The following IDNK variants were observed in gnomAD, a reference collection of about 807,000 sequenced individuals.
IDNK encodes the protein gluconokinase.
IDNK carries 9 observed loss-of-function variants against 13.0 expected under a neutral mutation model. That is an observed-to-expected ratio of 0.69 (90% CI 0.42 to 1.21). IDNK has a LOEUF of 1.21. Among genes scored for constraint, IDNK ranks in the 50% most tolerant of loss-of-function variants. The probability of loss-of-function intolerance (pLI) is 0.00; values close to 1 mark genes in which losing one functional copy is unlikely to be tolerated. For synonymous variants in IDNK, 92 were observed against 94.9 expected, an observed-to-expected ratio of 0.97 and a Z score of 0.18; for missense variants, 210 against 237.8, an observed-to-expected ratio of 0.88 and a Z score of 0.77.
intron 1 of IDNK, 143 bp from the exon 2 acceptor site, chr9:83,628,038 G>T: frequency 6.8e-7 from 1 of 1,473,054 alleles, no homozygotes; most frequent in Non-Finnish European, 9.0e-7. Flanking sequence ...CACGGTCACG[G>T]GCATCACTGC....
chr9:83,628,037 G>A (rs1830908200), intron 1 of IDNK, 144 bp from the exon 2 acceptor site: 7 of 1,469,206 alleles, frequency 4.8e-6, no homozygotes, highest in African/African-American at 1.4e-5. Context: ...CCACGGTCAC[G>A]GGCATCACTG....
rs1416303803 is a variant in IDNK at position 83,623,202 on chromosome 9, G to C, written c.31G>C (p.Gly11Arg). 5 of 1,410,720 alleles carry C rather than the reference G, an allele frequency of 3.5e-6. No individual in the cohort carries two copies. Among genetic ancestry groups the C allele is most frequent in the Non-Finnish European group, 4.6e-6 (5 of 1,087,828 alleles). 87.4% of individuals were successfully genotyped at this position (1,410,720 alleles called of 1,614,324 possible). ...GGCGCCGGGCGCGCTGCTGGTGATG[G>C]GCGTGAGCGGCTCGGGGAAGTAGGT... Reference protein sequence around the residue: MAAPGALLVMGVSGSGKSTVG... With the variant: MAAPGALLVMRVSGSGKSTVG... The change falls in exon 1 of 5, where the codon GGC (glycine) becomes CGC (arginine). Residue 11 changes from glycine (G) to arginine (R), a missense_variant. Transcript: ENST00000376419.
chr9:83,627,524 T>C (rs977190458), intron 1 of IDNK, among the ~76,000 whole-genome samples: 2 of 152,132 alleles, frequency 1.3e-5, no homozygotes, highest in Non-Finnish European at 2.9e-5. Context: ...TTAGTGGCAG[T>C]AGGCAACTGT....
chr9:83,630,780 C>T (rs892480824), intron 3 of IDNK, among the ~76,000 whole-genome samples: 1 of 152,142 alleles, frequency 6.6e-6, no homozygotes, highest in Non-Finnish European at 1.5e-5. Flanking sequence ...AATGGAATTT[C>T]TGTAGTCTTC....
intron 1 of IDNK, among the ~76,000 whole-genome samples, chr9:83,624,706 GT>G (rs60612510): frequency 1.3e-5 from 2 of 148,420 alleles, no homozygotes; most frequent in Non-Finnish European, 1.5e-5. Flanking sequence ...AGCTTCTTTT[GT>G]TTTTTTTTTG....
intron 3 of IDNK, among the ~76,000 whole-genome samples, chr9:83,635,011 A>G (rs552132895): frequency 8.7e-4 from 133 of 152,306 alleles, no homozygotes; most frequent in Middle Eastern, 3.4e-3. Flanking sequence ...CTTCTTGCTG[A>G]ATGGAGATTC....
At chr9:83,630,564 C>A (rs1830982122) in intron 3 of IDNK, among the ~76,000 whole-genome samples, 1 of 152,104 alleles carries the variant, frequency 6.6e-6, no homozygotes, top group Non-Finnish European at 1.5e-5. Flanking sequence ...CAGAAAAGTG[C>A]CTGTAGCATT....
chr9:83,643,466 T>C lies in IDNK; in HGVS notation c.250T>C (p.Ser84Pro). ...ASGQRVVLACSALKKTYRDIL... is the reference protein window; with the variant it reads ...ASGQRVVLACPALKKTYRDIL... Reference sequence around the variant, plus strand: ...GGGACAGCGTGTGGTTCTAGCCTGTTCAGCCCTGAAGAAAACGTACAGAGA... The same window carrying C: ...GGGACAGCGTGTGGTTCTAGCCTGTCCAGCCCTGAAGAAAACGTACAGAGA... The change falls in exon 5 of 5, where the codon TCA (serine) becomes CCA (proline). Residue 84 changes from serine (S) to proline (P), a missense_variant. Ser to Pro is a moderately conservative substitution (Grantham distance 74). Coordinates refer to ENST00000376419, the MANE Select transcript of IDNK (RefSeq NM_001001551.4). 5 of 1,613,902 alleles carry C rather than the reference T, an allele frequency of 3.1e-6. No individual in the cohort carries two copies. Among genetic ancestry groups the C allele is most frequent in the Non-Finnish European group, 4.2e-6 (5 of 1,179,892 alleles).
chr9:83,635,709 C>T (rs1367515533), intron 3 of IDNK, among the ~76,000 whole-genome samples: 1 of 152,218 alleles, frequency 6.6e-6, no homozygotes, highest in East Asian at 1.9e-4. Flanking sequence ...ATCTTATTTC[C>T]TTCTTTTCCA....
At chr9:83,626,424 T>G (rs569606156) in intron 1 of IDNK, 34 of 301,536 alleles carry the variant, frequency 1.1e-4, no homozygotes, top group African/African-American at 7.0e-4. Context: ...TTGTTTTTTG[T>G]TTTTTGTTTT....
At chr9:83,638,054 G>A (rs534280002) in intron 3 of IDNK, among the ~76,000 whole-genome samples, 2 of 152,114 alleles carry the variant, frequency 1.3e-5, no homozygotes, top group Admixed American at 1.3e-4. Context: ...TTCTAGAATT[G>A]GTGAAACTGC....
intron 1 of IDNK, among the ~76,000 whole-genome samples, chr9:83,624,712 T>TTTG (rs1554722529): frequency 6.6e-6 from 1 of 151,376 alleles, no homozygotes; most frequent in South Asian, 2.1e-4. Flanking sequence ...TTTTGTTTTT[T>TTTG]TTTTGTTTTG....
intron 3 of IDNK, among the ~76,000 whole-genome samples, chr9:83,640,760 G>A (rs569440392): frequency 2.6e-5 from 4 of 152,186 alleles, no homozygotes; most frequent in African/African-American, 2.4e-5. Context: ...CAGGAGAATC[G>A]CTTGAACCCA....
intron 4 of IDNK, among the ~76,000 whole-genome samples, chr9:83,642,203 C>T (rs149698980): frequency 1.6e-3 from 245 of 152,192 alleles, no homozygotes; most frequent in African/African-American, 5.3e-3. Context: ...CTGGTCGGGA[C>T]GTGGAGAAGG....
intron 3 of IDNK, among the ~76,000 whole-genome samples, chr9:83,639,164 C>A (rs578052712): frequency 1.3e-5 from 2 of 151,990 alleles, no homozygotes; most frequent in East Asian, 3.9e-4. Context: ...GTTGGGAACT[C>A]TAAAAATAAA....
chr9:83,623,621 G>A (rs1830767013), intron 1 of IDNK: 3 of 236,896 alleles, frequency 1.3e-5, no homozygotes, highest in South Asian at 8.2e-5. Flanking sequence ...CGCAAACCAC[G>A]GCCCAGGCTC....
chr9:83,633,976 G>T (rs1402598918), intron 3 of IDNK, among the ~76,000 whole-genome samples: 1 of 152,206 alleles, frequency 6.6e-6, no homozygotes, highest in African/African-American at 2.4e-5. Flanking sequence ...TAGGGGTTAG[G>T]CCTTAAAGAT....
intron 3 of IDNK, among the ~76,000 whole-genome samples, chr9:83,634,465 A>G (rs1831111782): frequency 6.6e-6 from 1 of 152,278 alleles, no homozygotes; most frequent in Admixed American, 6.5e-5. Flanking sequence ...ATGAAAAAAC[A>G]TGTATTCAAA....
chr9:83,627,853 C>CA (rs149062579), intron 1 of IDNK, among the ~76,000 whole-genome samples: 1,627 of 73,032 alleles, frequency 0.022, 6 homozygotes, highest in East Asian at 0.071. Flanking sequence ...ATCCCCACCA[C>CA]AAAAAAAAAA....
Sources: allele counts gnomAD v4.1 joint callset (sites outside exome capture counted in the v4.1 genomes callset), GRCh38; gene constraint gnomAD v4.1.1; transcripts MANE v1.5; gene names NCBI Gene and HGNC (gene_info 2026-07-23, HGNC 2026-07-21).